Variants in C10orf90 observed in about 807,000 individuals in gnomAD.
The protein encoded by C10orf90 is (E2-independent) E3 ubiquitin-conjugating enzyme FATS.
In C10orf90, 56 loss-of-function variants were observed where a neutral mutation model predicts 62.5. The ratio of observed to expected loss-of-function variants is 0.90; its 90% CI spans 0.72 to 1.12. C10orf90 has a LOEUF of 1.12. Ranked by LOEUF, C10orf90 falls within the 50% of genes most tolerant of loss-of-function variation. C10orf90 has a pLI of 0.00. For synonymous variants in C10orf90, 386 were observed against 340.4 expected (o/e 1.13, Z -1.47); for missense variants, 970 against 880.4 (o/e 1.10, Z -1.29).
At chr10:126,447,155 G>A (rs1296270262) in intron 7 of C10orf90, among the ~76,000 whole-genome samples, 1 of 151,694 alleles carries the variant, frequency 6.6e-6, no homozygotes, top group Non-Finnish European at 1.5e-5. Context: ...CAAAATGGCA[G>A]CAGTAATATC....
chr10:126,507,500 CAAA>C (rs775464275), intron 3 of C10orf90, among the ~76,000 whole-genome samples: 1 of 114,146 alleles, frequency 8.8e-6, no homozygotes, highest in African/African-American at 3.2e-5. Context: ...TACTTTTTTC[CAAA>C]AAAAAAAAAA....
chr10:126,458,114 C>G (rs1859702783), intron 7 of C10orf90, among the ~76,000 whole-genome samples: 1 of 152,102 alleles, frequency 6.6e-6, no homozygotes, highest in South Asian at 2.1e-4. Flanking sequence ...TGGGGAGATT[C>G]ACAGGAATTC....
chr10:126,442,175 A>C (rs1000445068), intron 7 of C10orf90, among the ~76,000 whole-genome samples: 1 of 151,920 alleles, frequency 6.6e-6, no homozygotes, highest in African/African-American at 2.4e-5. Flanking sequence ...CTAAGACATA[A>C]GGACTCACAT....
chr10:126,511,871 T>C (rs1304115569), intron 3 of C10orf90, among the ~76,000 whole-genome samples: 5 of 152,118 alleles, frequency 3.3e-5, no homozygotes, highest in Non-Finnish European at 7.4e-5. Flanking sequence ...TTAAAAAACT[T>C]CTTAAAGAAG....
intron 2 of C10orf90, among the ~76,000 whole-genome samples, chr10:126,586,179 A>T (rs1844866576): frequency 6.6e-6 from 1 of 152,252 alleles, no homozygotes; most frequent in Non-Finnish European, 1.5e-5. Context: ...TGCTACTATA[A>T]CATTTACAGT....
At chr10:126,478,240 C>A (rs1370828520) in intron 4 of C10orf90, among the ~76,000 whole-genome samples, 1 of 152,208 alleles carries the variant, frequency 6.6e-6, no homozygotes, top group Non-Finnish European at 1.5e-5. Context: ...TAACTGGGAC[C>A]TATTCCCACC....
intron 2 of C10orf90, among the ~76,000 whole-genome samples, chr10:126,630,072 T>G (rs1454279740): frequency 2.6e-5 from 4 of 152,360 alleles, no homozygotes; most frequent in Admixed American, 1.3e-4. Context: ...AGCGGCTGCC[T>G]GTGTGTGCAC....
intron 4 of C10orf90, among the ~76,000 whole-genome samples, chr10:126,503,606 G>T (rs1417303628): frequency 6.6e-6 from 1 of 152,140 alleles, no homozygotes; most frequent in Non-Finnish European, 1.5e-5. Flanking sequence ...ACATCTGGGG[G>T]CGAATGGCAT....
At chr10:126,485,334 C>A (rs958785003) in intron 4 of C10orf90, among the ~76,000 whole-genome samples, 20 of 152,164 alleles carry the variant, frequency 1.3e-4, no homozygotes, top group Admixed American at 8.5e-4. Context: ...GCCATCATGT[C>A]TATGGCACTG....
At chr10:126,509,967 G>A (rs977550417) in intron 3 of C10orf90, among the ~76,000 whole-genome samples, 2 of 152,162 alleles carry the variant, frequency 1.3e-5, no homozygotes, top group Non-Finnish European at 2.9e-5. Flanking sequence ...AGATGTCACA[G>A]GGTTGGTTTC....
chr10:126,497,347 G>C (rs927755038), intron 4 of C10orf90, among the ~76,000 whole-genome samples: 4 of 151,984 alleles, frequency 2.6e-5, no homozygotes, highest in African/African-American at 7.3e-5. Context: ...AGCTCTTCCG[G>C]GACAGGAAGA....
chr10:126,456,241 G>C lies in C10orf90; in HGVS notation c.2188+2799C>G, dbSNP rs1053201144. Among the ~76,000 whole-genome samples the C allele has an allele frequency of 2.0e-5, 3 of 152,222 alleles. No individual in the cohort carries two copies. Among genetic ancestry groups the C allele is most frequent in the Non-Finnish European group, 4.4e-5 (3 of 68,050 alleles). ...CATTTCTTCTCACTTGCCCGAGCTT[G>C]TATGAGGCTCTGGTTTCAGAGGCTG... is the stretch of plus-strand genomic sequence containing the variant. On this transcript the variant is annotated intron_variant, in intron 7 of 9. Coordinates refer to ENST00000488181, the MANE Select transcript of C10orf90 (RefSeq NM_001350921.2). The surrounding 1 kb of genome is among the most constrained non-coding windows in gnomAD (Gnocchi z 4.9).
chr10:126,515,825 T>G (rs1756249859), intron 2 of C10orf90, among the ~76,000 whole-genome samples: 2 of 152,252 alleles, frequency 1.3e-5, no homozygotes, highest in African/African-American at 4.8e-5. Flanking sequence ...CATCTTGTCC[T>G]TGGGTGACAG....
intron 2 of C10orf90, among the ~76,000 whole-genome samples, chr10:126,519,869 A>G (rs1268894788): frequency 1.3e-5 from 2 of 152,026 alleles, no homozygotes; most frequent in African/African-American, 4.8e-5. Flanking sequence ...TGAGGGACCA[A>G]TCCAGCCGAG....
At chr10:126,639,596 C>G (rs931571026) in intron 2 of C10orf90, among the ~76,000 whole-genome samples, 1 of 152,178 alleles carries the variant, frequency 6.6e-6, no homozygotes, top group African/African-American at 2.4e-5. Context: ...CCCCACATGT[C>G]CACCCCGATG....
intron 2 of C10orf90, among the ~76,000 whole-genome samples, chr10:126,553,776 C>T (rs11245039): frequency 0.39 from 58,942 of 151,930 alleles, 11,898 homozygotes; most frequent in Non-Finnish European, 0.44. Context: ...CCTAACGACA[C>T]GTTTCTCAGA....
chr10:126,667,671 C>T (rs1253343906), intron 1 of C10orf90, among the ~76,000 whole-genome samples: 1 of 152,136 alleles, frequency 6.6e-6, no homozygotes, highest in East Asian at 1.9e-4. Context: ...CCTTCCCAAG[C>T]TGGCAAAACC....
chr10:126,504,198 G>A lies in C10orf90; in HGVS notation c.1293C>T (p.Arg431=). The A allele has an allele frequency of 6.2e-7, 1 of 1,614,128 alleles. No homozygotes were observed. The highest frequency in any genetic ancestry group is 8.5e-7 in the Non-Finnish European group (1 of 1,180,024). The change falls in exon 4 of 10, where the codon CGC becomes CGT. Residue 431 remains arginine, a synonymous_variant. Transcript: ENST00000488181. This position sits in a 1 kb window ranked among gnomAD's most constrained non-coding sequence, Gnocchi z 4.1. ...LEGDQDLVGQ[R]WNPGLQESHL... is the part of the protein sequence containing the mutation. ...GACTTTCTTGTAAACCTGGGTTCCA[G>A]CGCTGGCCTACGAGGTCCTGGTCTC...
At chr10:126,524,914 C>T in intron 2 of C10orf90, 1 of 839,012 alleles carries the variant, frequency 1.2e-6, no homozygotes, top group Non-Finnish European at 1.4e-6. Context: ...GTCAAGCTCA[C>T]TGAACAAGCA....
Sources: gnomAD v4.1 joint callset for allele counts (sites outside exome capture counted in the v4.1 genomes callset) on GRCh38, gnomAD v4.1.1 for gene constraint, Gnocchi (gnomAD v3.1) non-coding constraint, MANE v1.5 for transcripts, NCBI Gene and HGNC (gene_info 2026-07-23, HGNC 2026-07-21) for gene names.